TSNARE1: variants seen among roughly 807,000 people sequenced by gnomAD.
The protein encoded by TSNARE1 is t-SNARE domain-containing protein 1.
Under a neutral mutation model 62.0 loss-of-function variants are expected in TSNARE1, and 49 were observed. That is an observed-to-expected ratio of 0.79 (90% CI 0.63 to 1.00). The LOEUF (loss-of-function observed/expected upper bound fraction) is 1.00. Among genes scored for constraint, TSNARE1 ranks in the 50% least tolerant of loss-of-function variants. The pLI, the probability that TSNARE1 is intolerant of heterozygous loss-of-function variation, is 0.00. For missense variants in TSNARE1, 755 were observed against 700.1 expected, an observed-to-expected ratio of 1.08 and a Z score of -0.88; for synonymous variants, 328 against 294.4, an observed-to-expected ratio of 1.11 and a Z score of -1.17.
At chr8:142,386,055 T>G (rs1655206909) in intron 1 of TSNARE1, among the ~76,000 whole-genome samples, 1 of 152,188 alleles carries the variant, frequency 6.6e-6, no homozygotes, top group African/African-American at 2.4e-5. Context: ...TCTAACATCC[T>G]CCTTCACCAC....
intron 12 of TSNARE1, among the ~76,000 whole-genome samples, chr8:142,248,201 T>C (rs1356099443): frequency 6.6e-6 from 1 of 152,220 alleles, no homozygotes; most frequent in Non-Finnish European, 1.5e-5. Flanking sequence ...ATGTGGCACC[T>C]GGACCTTGGA....
intron 4 of TSNARE1, among the ~76,000 whole-genome samples, chr8:142,336,609 CCA>C (rs1435203529): frequency 6.6e-6 from 1 of 152,112 alleles, no homozygotes; most frequent in African/African-American, 2.4e-5. Flanking sequence ...ACACACAAAT[CCA>C]CAGTTACAGG....
chr8:142,235,253 A>G (rs1010529239), intron 12 of TSNARE1, among the ~76,000 whole-genome samples: 3 of 151,160 alleles, frequency 2.0e-5, no homozygotes, highest in African/African-American at 7.3e-5. Flanking sequence ...GGCCCCAGAG[A>G]AGGACGTGAC....
intron 10 of TSNARE1, among the ~76,000 whole-genome samples, chr8:142,290,473 T>C (rs905204284): frequency 6.6e-6 from 1 of 152,250 alleles, no homozygotes; most frequent in African/African-American, 2.4e-5. Flanking sequence ...AAAAAGCCCC[T>C]TGCACGAGAC....
chr8:142,261,164 G>A (rs1784203584), intron 12 of TSNARE1, among the ~76,000 whole-genome samples: 1 of 124,766 alleles, frequency 8.0e-6, no homozygotes, highest in Non-Finnish European at 1.7e-5. Context: ...AAGGGAGGGA[G>A]GAGAGAGGGA....
chr8:142,354,935 C>CG (rs1005580295), intron 1 of TSNARE1, among the ~76,000 whole-genome samples, 172 bp from the exon 2 acceptor site: 2 of 152,044 alleles, frequency 1.3e-5, no homozygotes, highest in African/African-American at 4.8e-5. Context: ...AGCAACCCCC[C>CG]CACAGAGCCC....
chr8:142,259,620 C>G (rs890456835), intron 12 of TSNARE1, among the ~76,000 whole-genome samples: 2 of 152,220 alleles, frequency 1.3e-5, no homozygotes, highest in Non-Finnish European at 2.9e-5. Flanking sequence ...TTTATTTAAC[C>G]TGCTTGGCCT....
At chr8:142,272,770 C>T (rs145604554) in intron 12 of TSNARE1, 914 of 968,192 alleles carry the variant, frequency 9.4e-4, no homozygotes, top group East Asian at 3.0e-3. Flanking sequence ...TACGCAGAGG[C>T]GACTTCACAG....
intron 1 of TSNARE1, among the ~76,000 whole-genome samples, chr8:142,401,144 G>C (rs1238548918): frequency 6.6e-6 from 1 of 152,138 alleles, no homozygotes; most frequent in African/African-American, 2.4e-5. Context: ...TCCATCTCAA[G>C]CTCCAGCATC....
intron 13 of TSNARE1, among the ~76,000 whole-genome samples, chr8:142,221,963 A>T (rs1172493094): frequency 7.1e-6 from 1 of 140,136 alleles, no homozygotes; most frequent in African/African-American, 2.8e-5. Flanking sequence ...CCACTCACTC[A>T]TCCACTCATC....
Position 142,291,852 on chromosome 8 carries a change from C to T in TSNARE1, c.1291-7367G>A, listed in dbSNP as rs1324939017. Among the ~76,000 whole-genome samples, 2 of 151,938 alleles carry T rather than the reference C, an allele frequency of 1.3e-5. No homozygotes were observed. The highest frequency in any genetic ancestry group is 2.4e-5 in the African/African-American group (1 of 41,370). On this transcript the variant is annotated intron_variant, in intron 10 of 13. Transcript: ENST00000524325. This position sits in a 1 kb window ranked among gnomAD's most constrained non-coding sequence, Gnocchi z 4.8. ...AATAGGAACCAGGAGCAGGGGTGGC[C>T]GGGCCTGCCCAGGGAACTGTGAGGT...
intron 12 of TSNARE1, among the ~76,000 whole-genome samples, chr8:142,267,085 AATC>A (rs910231535): frequency 4.6e-5 from 7 of 152,334 alleles, no homozygotes; most frequent in Non-Finnish European, 8.8e-5. Flanking sequence ...ATTTCACAGA[AATC>A]ATATTATATG....
At chr8:142,353,018 G>A (rs549412992) in intron 2 of TSNARE1, among the ~76,000 whole-genome samples, 6 of 152,184 alleles carry the variant, frequency 3.9e-5, no homozygotes, top group African/African-American at 1.2e-4. Context: ...CCTGCCTAAG[G>A]CCCTGCAGGC....
chr8:142,222,676 C>T (rs777301504), intron 13 of TSNARE1, among the ~76,000 whole-genome samples: 6 of 80,342 alleles, frequency 7.5e-5, no homozygotes, highest in Non-Finnish European at 9.7e-5. Context: ...ACTCACTCAT[C>T]CACTCATCCA....
intron 9 of TSNARE1, among the ~76,000 whole-genome samples, chr8:142,310,295 C>T (rs746043301): frequency 5.3e-5 from 8 of 152,162 alleles, no homozygotes; most frequent in African/African-American, 7.2e-5. Context: ...GATGCGAGGA[C>T]GTCATGACAC....
chr8:142,403,615 G>C (rs953443061), upstream of TSNARE1: 9 of 152,260 alleles, frequency 5.9e-5, no homozygotes, highest in African/African-American at 1.7e-4. Flanking sequence ...ACGGGCGTTG[G>C]GCCCCAAGTC....
At chr8:142,325,708 TG>T (rs1286731903) in intron 6 of TSNARE1, among the ~76,000 whole-genome samples, 3 of 152,024 alleles carry the variant, frequency 2.0e-5, no homozygotes, top group Admixed American at 2.0e-4. Context: ...GGGGCCCCAC[TG>T]AGGAGGGATT....
intron 12 of TSNARE1, among the ~76,000 whole-genome samples, chr8:142,268,077 C>A (rs1275970494): frequency 6.6e-6 from 1 of 152,206 alleles, no homozygotes; most frequent in African/African-American, 2.4e-5. Context: ...CCTGGACCCT[C>A]CTGGTTCTCC....
In TSNARE1 at chr8:142,326,049, G is replaced by A. The variant is rs548109831; in HGVS notation, c.893+4852C>T. The A allele has an allele frequency of 6.0e-5, 10 of 166,134 alleles. 1 individual carries two copies. The South Asian group carries it at 7.2e-4, about 12-fold the overall frequency. 10.3% of individuals were successfully genotyped at this position (166,134 alleles called of 1,614,324 possible). A position where few individuals can be genotyped will look rare whatever the true frequency, so the allele number is the denominator to read the frequency against. On this transcript the variant is annotated intron_variant, in intron 6 of 13. Transcript: ENST00000524325. ...CCCTGGAGAGCATGAGACGGATGACGAACCAGCACCAGTGAAGGCCCCGGA... is the reference window on the plus strand; with the variant it reads ...CCCTGGAGAGCATGAGACGGATGACAAACCAGCACCAGTGAAGGCCCCGGA...
Sources: gnomAD v4.1 joint callset for allele counts (sites outside exome capture counted in the v4.1 genomes callset) on GRCh38, gnomAD v4.1.1 for gene constraint, Gnocchi (gnomAD v3.1) non-coding constraint, MANE v1.5 for transcripts, NCBI Gene and HGNC (gene_info 2026-07-23, HGNC 2026-07-21) for gene names.